Variants in MYH11 observed in about 807,000 individuals in gnomAD.
MYH11 encodes myosin heavy chain 11.
Under a neutral mutation model 246.6 loss-of-function variants are expected in MYH11, and 80 were observed. The ratio of observed to expected loss-of-function variants is 0.32; its 90% CI spans 0.27 to 0.39. The LOEUF (loss-of-function observed/expected upper bound fraction) is 0.39, where lower values mean the gene tolerates loss of function less well. Ranked by LOEUF, MYH11 falls within the 10% of genes least tolerant of loss-of-function variation. The probability of loss-of-function intolerance (pLI) is 1.00; values close to 1 mark genes in which losing one functional copy is unlikely to be tolerated. For synonymous variants in MYH11, 1,071 were observed against 1,015.5 expected (o/e 1.05, Z -1.04); for missense variants, 2,158 against 2,546.8 (o/e 0.85, Z 3.29).
chr16:15,817,691 C>G (rs1004655058), intron 3 of MYH11, among the ~76,000 whole-genome samples: 1 of 152,158 alleles, frequency 6.6e-6, no homozygotes, highest in Non-Finnish European at 1.5e-5. Context: ...TTTCCCAACT[C>G]CTGTGAGGCA....
At position 15,748,618 on chromosome 16, in the gene MYH11, G is replaced by A. The variant is rs769022767; in HGVS notation, c.2059-450C>T. ...TCTTGCCTCTCCCCTCAATCCCTTT[G>A]TCCTTTTTATTTTTTGAGATAGGGT... On this transcript the variant is annotated intron_variant, in intron 16 of 40. Coordinates refer to ENST00000300036, the MANE Select transcript of MYH11 (RefSeq NM_002474.3). 2.0e-4 allele frequency among the ~76,000 whole-genome samples: 31 copies of A among 151,886 alleles called. 1 individual carries two copies. The highest frequency in any genetic ancestry group is 4.3e-4 in the Non-Finnish European group (29 of 68,000).
At chr16:15,706,920 G>A (rs182354357) in intron 40 of MYH11, among the ~76,000 whole-genome samples, 2 of 152,278 alleles carry the variant, frequency 1.3e-5, no homozygotes, top group Admixed American at 6.5e-5. Flanking sequence ...CTCTGTTTTG[G>A]CTGAAGTGCT....
chr16:15,835,275 T>G (rs2043862643), intron 2 of MYH11, among the ~76,000 whole-genome samples: 1 of 152,124 alleles, frequency 6.6e-6, no homozygotes, highest in African/African-American at 2.4e-5. Context: ...AAGTCAACAC[T>G]GAGCATTTCC....
chr16:15,807,080 G>A (rs919299222), intron 3 of MYH11, among the ~76,000 whole-genome samples: 1 of 152,068 alleles, frequency 6.6e-6, no homozygotes, highest in Non-Finnish European at 1.5e-5. Context: ...TTCCATCTCA[G>A]CCTCCTGAGC....
intron 40 of MYH11, among the ~76,000 whole-genome samples, chr16:15,706,290 T>A (rs2039450131): frequency 6.6e-6 from 1 of 152,168 alleles, no homozygotes; most frequent in Admixed American, 6.6e-5. Context: ...TTTTTAGCAC[T>A]GTTTTCCAAG....
chr16:15,742,024 G>T, intron 20 of MYH11, 133 bp from the exon 21 acceptor site: 1 of 1,372,990 alleles, frequency 7.3e-7, no homozygotes, highest in Non-Finnish European at 1.0e-6. Flanking sequence ...ATTGTCTGGA[G>T]ACACTGCTGA....
rs1222746393 is a variant in MYH11 at position 15,838,044 on chromosome 16, G to A, written c.209C>T (p.Thr70Met). ...VELVENGKKVTVGKDDIQKMN... is the reference protein window; with the variant it reads ...VELVENGKKVMVGKDDIQKMN... Reference sequence around the variant, plus strand: ...CTTCTGGATGTCATCTTTCCCAACCGTGACCTTCTTGCCATTCTCCACCAG... The same window carrying A: ...CTTCTGGATGTCATCTTTCCCAACCATGACCTTCTTGCCATTCTCCACCAG... The change falls in exon 2 of 41, where the codon ACG becomes ATG. Residue 70 changes from threonine (T) to methionine (M), a missense_variant. Thr to Met is a moderately conservative substitution (Grantham distance 81, BLOSUM62 -1). Coordinates refer to ENST00000300036, the MANE Select transcript of MYH11 (RefSeq NM_002474.3). The A allele has an allele frequency of 3.7e-6, 6 of 1,613,926 alleles. No individual in the cohort carries two copies. Among genetic ancestry groups the A allele is most frequent in the African/African-American group, 1.3e-5 (1 of 74,866 alleles).
At position 15,720,075 on chromosome 16, in the gene MYH11, G is replaced by A. The variant is rs1181266593; in HGVS notation, c.4953+76C>T. 66 of 1,593,870 alleles carry A rather than the reference G, an allele frequency of 4.1e-5. No homozygotes were observed. The South Asian group carries it at 5.7e-4, about 14-fold the overall frequency. Reference sequence around the variant, plus strand: ...GGTGCAGGCTTGCTTCCTGGAGCCCGCTCTGCTGACTTCGGTGGCCTGAGG... The same window carrying A: ...GGTGCAGGCTTGCTTCCTGGAGCCCACTCTGCTGACTTCGGTGGCCTGAGG... On this transcript the variant is annotated intron_variant, in intron 34 of 40. Transcript: ENST00000300036.
At chr16:15,842,231 C>T (rs964401452) in intron 1 of MYH11, among the ~76,000 whole-genome samples, 5 of 152,012 alleles carry the variant, frequency 3.3e-5, no homozygotes, top group African/African-American at 4.8e-5. Flanking sequence ...ACTAAAAATA[C>T]GAAAAGTTGC....
At position 15,756,321 on chromosome 16, in the gene MYH11, C is replaced by G. The variant is rs778666968; in HGVS notation, c.1749+20G>C. 1.2e-6 allele frequency: 2 copies of G among 1,613,426 alleles called. No homozygotes were observed. Among genetic ancestry groups the G allele is most frequent in the Non-Finnish European group, 1.7e-6 (2 of 1,179,642 alleles). On this transcript the variant is annotated intron_variant, in intron 14 of 40. Transcript: ENST00000300036. ...TGGGGGTCCCCTGAGACAGAGTCCC[C>G]TGGGCCCTGTGGCTGGTACCTTCCC...
intron 3 of MYH11, among the ~76,000 whole-genome samples, chr16:15,819,341 G>A (rs760729134): frequency 3.9e-5 from 6 of 152,230 alleles, no homozygotes; most frequent in African/African-American, 7.2e-5. Flanking sequence ...CAGTTAAGAG[G>A]TGGTCTAGCG....
chr16:15,740,237 C>G, intron 22 of MYH11, 49 bp from the exon 23 acceptor site: 2 of 1,613,042 alleles, frequency 1.2e-6, no homozygotes, highest in Non-Finnish European at 1.7e-6. Context: ...AACAGATTTA[C>G]TCTCGTGGTG....
intron 36 of MYH11, 91 bp from the exon 37 acceptor site, chr16:15,718,529 C>G: frequency 6.7e-7 from 1 of 1,487,674 alleles, no homozygotes; most frequent in Non-Finnish European, 9.0e-7. Flanking sequence ...GGGTATTGCC[C>G]TCATCATCTA....
At chr16:15,838,754 G>T (rs564726396) in intron 1 of MYH11, among the ~76,000 whole-genome samples, 1 of 151,890 alleles carries the variant, frequency 6.6e-6, no homozygotes, top group African/African-American at 2.4e-5. Flanking sequence ...CAGCCACTTG[G>T]GAGGCTCAGG....
rs764706995 is a variant in MYH11 at position 15,741,472 on chromosome 16, C to T, written c.2850G>A (p.Gln950=). ...QLQAERKKMA[Q]QMLDLEEQLE... is the part of the protein sequence containing the mutation. ...CCCTGTGACACCTTACCAGCATCTG[C>T]TGGGCCATCTTCTTCCTTTCAGCCT... is the stretch of plus-strand genomic sequence containing the variant. The change falls in exon 22 of 41, where the codon CAG becomes CAA. Residue 950 remains glutamine, a synonymous_variant. Transcript: ENST00000300036. The T allele has an allele frequency of 4.3e-5, 69 of 1,607,882 alleles. No homozygotes were observed. In the Admixed American group the frequency reaches 6.3e-4, roughly 15 times the overall value.
intron 9 of MYH11, among the ~76,000 whole-genome samples, chr16:15,770,885 C>T (rs1567746570): frequency 6.6e-6 from 1 of 152,118 alleles, no homozygotes; most frequent in African/African-American, 2.4e-5. Flanking sequence ...TGTCAACAAA[C>T]TGCATCCTAT....
In MYH11 at chr16:15,747,321, C is replaced by T. The variant is rs566977242; in HGVS notation, c.2411+249G>A. ...AGCTCAGAGAGGTAGAGTAACTTGC[C>T]CAAGGTTCATCAGCAAAAACTGGGG... On this transcript the variant is annotated intron_variant, in intron 19 of 40. Coordinates refer to ENST00000300036, the MANE Select transcript of MYH11 (RefSeq NM_002474.3). 1.7e-4 allele frequency among the ~76,000 whole-genome samples: 26 copies of T among 152,110 alleles called. No individual in the cohort carries two copies. In the South Asian group the frequency reaches 5.4e-3, roughly 32 times the overall value.
At chr16:15,831,464 G>GGCGT (rs138443794) in intron 2 of MYH11, among the ~76,000 whole-genome samples, 1 of 145,588 alleles carries the variant, frequency 6.9e-6, no homozygotes, top group Non-Finnish European at 1.5e-5. Flanking sequence ...TTATGTTTGG[G>GGCGT]GTGTGTGTGT....
rs75847632 is a variant in MYH11 at position 15,812,200 on chromosome 16, T to G, written c.502+11055A>C. Among the ~76,000 whole-genome samples, 152 of 152,206 alleles carry G rather than the reference T, an allele frequency of 1.0e-3. 1 individual carries two copies. The highest frequency in any genetic ancestry group is 3.6e-3 in the African/African-American group (151 of 41,534). ...GAGTCAGGATAATCCAAGTGTATAT[T>G]TGGCTCTGACACTTAACAAATCTGC... On this transcript the variant is annotated intron_variant, in intron 3 of 40. Coordinates refer to ENST00000300036, the MANE Select transcript of MYH11 (RefSeq NM_002474.3).
Sources: allele counts gnomAD v4.1 joint callset (sites outside exome capture counted in the v4.1 genomes callset), GRCh38; gene constraint gnomAD v4.1.1; transcripts MANE v1.5; gene names NCBI Gene and HGNC (gene_info 2026-07-23, HGNC 2026-07-21).